The following NPHP4 variants were observed in gnomAD, a reference collection of about 807,000 sequenced individuals.
NPHP4 encodes the protein nephrocystin-4.
A neutral mutation model predicts 155.8 loss-of-function variants in NPHP4; 151 were observed. The observed-to-expected ratio is 0.97, with a 90% CI of 0.85 to 1.11. NPHP4 has a LOEUF of 1.11. NPHP4 is among the 50% of genes least tolerant of loss of function. The pLI is 0.00. For missense variants in NPHP4, 1,956 were observed against 1,925.7 expected (o/e 1.02, Z -0.29); for synonymous variants, 845 against 816.8 (o/e 1.03, Z -0.59).
chr1:5,906,345 A>G (rs966519504), intron 13 of NPHP4, among the ~76,000 whole-genome samples: 1 of 152,244 alleles, frequency 6.6e-6, no homozygotes, highest in Non-Finnish European at 1.5e-5. Flanking sequence ...CCTCTCAGAG[A>G]GGAGCTGGCT....
At chr1:5,931,081 T>C (rs1646246562) in intron 10 of NPHP4, among the ~76,000 whole-genome samples, 1 of 152,202 alleles carries the variant, frequency 6.6e-6, no homozygotes, top group Non-Finnish European at 1.5e-5. Context: ...TCAATAGTAA[T>C]ATACCCACTC....
chr1:5,909,974 C>G (rs1160888053), intron 11 of NPHP4, among the ~76,000 whole-genome samples: 1 of 152,252 alleles, frequency 6.6e-6, no homozygotes, highest in Non-Finnish European at 1.5e-5. Flanking sequence ...CATGGCCCAG[C>G]AGACCCAGGG....
chr1:5,884,356 G>A (rs959902890), intron 18 of NPHP4, among the ~76,000 whole-genome samples: 3 of 152,166 alleles, frequency 2.0e-5, no homozygotes, highest in Non-Finnish European at 2.9e-5. Context: ...CGCTTAGCCT[G>A]TGGGGCCATC....
chr1:5,969,471 G>A (rs1473530224), intron 3 of NPHP4, among the ~76,000 whole-genome samples: 1 of 152,126 alleles, frequency 6.6e-6, no homozygotes, highest in African/African-American at 2.4e-5. Context: ...GTTGGTGTCG[G>A]AGCTCTTTAT....
At chr1:5,947,334 A>C in intron 8 of NPHP4, 104 bp from the exon 9 acceptor site, 4 of 1,231,784 alleles carry the variant, frequency 3.2e-6, no homozygotes, top group African/African-American at 1.5e-5. Flanking sequence ...ACCCTGGGGG[A>C]CACAGGGGTG....
At chr1:5,975,819 G>A (rs894919297) in intron 3 of NPHP4, among the ~76,000 whole-genome samples, 10 of 152,254 alleles carry the variant, frequency 6.6e-5, no homozygotes, top group Non-Finnish European at 1.2e-4. Context: ...ATAATCCCGA[G>A]AAGGGCAGAG....
At chr1:5,945,131 T>C (rs192901292) in intron 9 of NPHP4, among the ~76,000 whole-genome samples, 82 of 152,316 alleles carry the variant, frequency 5.4e-4, no homozygotes, top group Non-Finnish European at 9.7e-4. Context: ...ACAGATGTCA[T>C]AATCACAAGT....
chr1:5,989,981 C>T (rs1389124319), intron 1 of NPHP4, among the ~76,000 whole-genome samples: 1 of 152,230 alleles, frequency 6.6e-6, no homozygotes, highest in East Asian at 1.9e-4. Flanking sequence ...GGAGGCAGGG[C>T]AGTCCTAGTC....
intron 2 of NPHP4, among the ~76,000 whole-genome samples, chr1:5,983,965 AT>A (rs750517434): frequency 9.9e-5 from 15 of 152,148 alleles, no homozygotes; most frequent in Non-Finnish European, 1.8e-4. Context: ...TGGGTTTTAA[AT>A]AACTTTTAAC....
Position 5,892,339 on chromosome 1 carries a change from C to G in NPHP4, c.2144-1311G>C, listed in dbSNP as rs1436267656. ...GAGCCTAGACCAGGATGGCCCCGTGCCTAGCATGCTCCTGCCCCCCACTCC... is the reference window on the plus strand; with the variant it reads ...GAGCCTAGACCAGGATGGCCCCGTGGCTAGCATGCTCCTGCCCCCCACTCC... On this transcript the variant is annotated intron_variant, in intron 16 of 29. Coordinates refer to ENST00000378156, the MANE Select transcript of NPHP4 (RefSeq NM_015102.5). This position sits in a 1 kb window ranked among gnomAD's most constrained non-coding sequence, Gnocchi z 4.5. Among the ~76,000 whole-genome samples, 2 of 152,092 alleles carry G rather than the reference C, an allele frequency of 1.3e-5. No individual in the cohort carries two copies. The highest frequency in any genetic ancestry group is 2.9e-5 in the Non-Finnish European group (2 of 67,998).
chr1:5,964,941 A>ATATATATATTTTTTTTTTT, intron 5 of NPHP4, among the ~76,000 whole-genome samples: 4 of 59,406 alleles, frequency 6.7e-5, no homozygotes, highest in Non-Finnish European at 8.6e-5. Flanking sequence ...ATATATATAT[A>ATATATATATTTTTTTTTTT]TTTTTTTTTT....
At position 5,970,801 on chromosome 1, in the gene NPHP4, T is replaced by TA. The variant is rs764648564; in HGVS notation, c.280-1543dup. On this transcript the variant is annotated intron_variant, in intron 3 of 29. Transcript: ENST00000378156. The stretch of plus-strand genomic sequence containing the variant: ...GGTGTCACCGAGAAAACGTTTACTG[T>TA]AATCACAGACTGTCAGCCCAGGATA... Among the ~76,000 whole-genome samples the TA allele has an allele frequency of 3.1e-4, 47 of 152,262 alleles. No individual in the cohort carries two copies. In the Middle Eastern group the frequency reaches 0.014, roughly 44 times the overall value.
intron 9 of NPHP4, among the ~76,000 whole-genome samples, chr1:5,940,319 A>G (rs114156918): frequency 1.3e-3 from 204 of 152,260 alleles, no homozygotes; most frequent in African/African-American, 4.7e-3. Flanking sequence ...TGACGTAACA[A>G]GAAGGCCCTC....
At chr1:5,946,975 T>C in intron 9 of NPHP4, 129 bp downstream of exon 9, 1 of 992,918 alleles carries the variant, frequency 1.0e-6, no homozygotes, top group South Asian at 1.4e-5. Flanking sequence ...GTCAGTAAAG[T>C]GATTTTTACT....
At chr1:5,987,956 C>G (rs746888199) in intron 1 of NPHP4, among the ~76,000 whole-genome samples, 2 of 152,186 alleles carry the variant, frequency 1.3e-5, no homozygotes, top group Non-Finnish European at 2.9e-5. Flanking sequence ...AGCCTACTAG[C>G]TTCACACTTC....
At chr1:5,888,921 T>C (rs999607233) in intron 17 of NPHP4, among the ~76,000 whole-genome samples, 1 of 152,068 alleles carries the variant, frequency 6.6e-6, no homozygotes, top group Non-Finnish European at 1.5e-5. Context: ...GGATGGTAAA[T>C]AGCACAAGCC....
chr1:5,887,582 G>C (rs1643889591), intron 17 of NPHP4, 116 bp from the exon 18 acceptor site: 1 of 1,093,952 alleles, frequency 9.1e-7, no homozygotes, highest in Admixed American at 2.1e-5. Flanking sequence ...GGCGGGAGGG[G>C]GTGTGCGCAG....
chr1:5,959,597 T>G (rs1649924804), intron 6 of NPHP4, among the ~76,000 whole-genome samples: 1 of 152,180 alleles, frequency 6.6e-6, no homozygotes, highest in Non-Finnish European at 1.5e-5. Context: ...CACAAAGTGA[T>G]GACTACCCCT....
intron 5 of NPHP4, among the ~76,000 whole-genome samples, chr1:5,964,074 A>C (rs1650886937): frequency 6.6e-6 from 1 of 152,194 alleles, no homozygotes; most frequent in Non-Finnish European, 1.5e-5. Flanking sequence ...AACACCACAG[A>C]GCTGTAAAAA....
Sources: allele counts gnomAD v4.1 joint callset (sites outside exome capture counted in the v4.1 genomes callset), GRCh38; gene constraint gnomAD v4.1.1; non-coding constraint Gnocchi (gnomAD v3.1); transcripts MANE v1.5; gene names NCBI Gene and HGNC (gene_info 2026-07-23, HGNC 2026-07-21).